The following KCTD21 variants were observed in gnomAD, a reference collection of about 807,000 sequenced individuals.
KCTD21 encodes the protein potassium channel tetramerization domain containing 21.
In KCTD21, 9 loss-of-function variants were observed where a neutral mutation model predicts 13.2. That is an observed-to-expected ratio of 0.68 (90% CI 0.41 to 1.19). The LOEUF is 1.19. Ranked by LOEUF, KCTD21 falls within the 50% of genes most tolerant of loss-of-function variation. The pLI, the probability that KCTD21 is intolerant of heterozygous loss-of-function variation, is 0.01. For synonymous variants in KCTD21, 142 were observed against 137.4 expected (o/e 1.03, Z -0.23); for missense variants, 303 against 336.5 (o/e 0.90, Z 0.78).
chr11:78,187,877 G>C, intron 1 of KCTD21: 1 of 985,372 alleles, frequency 1.0e-6, no homozygotes, highest in Non-Finnish European at 1.2e-6. Context: ...TTGAAGTAAG[G>C]AGTCCTGAGT....
intron 1 of KCTD21, among the ~76,000 whole-genome samples, chr11:78,179,919 G>C (rs1272716808): frequency 6.6e-6 from 1 of 152,086 alleles, no homozygotes; most frequent in Non-Finnish European, 1.5e-5. Flanking sequence ...AACCCCCTCT[G>C]GCAGCACCCA....
rs1862285723 is a variant in KCTD21, at chr11:78,171,731, A to G, written c.*2041T>C. 6.6e-6 allele frequency: 1 copy of G among 152,058 alleles called. No homozygotes were observed. Among genetic ancestry groups the G allele is most frequent in the Non-Finnish European group, 1.5e-5 (1 of 68,024 alleles). 9.4% of individuals were successfully genotyped at this position (152,058 alleles called of 1,614,324 possible). A position where few individuals can be genotyped will look rare whatever the true frequency, so the allele number is the denominator to read the frequency against. ...AGCGATTCTACTGCCTCAGCCTCCC[A>G]AATAGCTGGGGTTATAGGCGCCTGT... On this transcript the variant is annotated 3_prime_UTR_variant, in exon 2 of 2. Transcript: ENST00000340067.
In KCTD21 at chr11:78,174,560, G is replaced by A. The variant is rs1233340326; in HGVS notation, c.-6C>T. The A allele has an allele frequency of 6.2e-7, 1 of 1,604,322 alleles. No homozygotes were observed. Among genetic ancestry groups the A allele is most frequent in the Non-Finnish European group, 8.5e-7 (1 of 1,174,750 alleles). ...AGCGTGATGGGGTCGGACATGGCAG[G>A]AGACTGGGTTGCTGGAAGTAGTCCT... On this transcript the variant is annotated 5_prime_UTR_variant, in exon 2 of 2. Coordinates refer to ENST00000340067, the MANE Select transcript of KCTD21 (RefSeq NM_001029859.3).
intron 1 of KCTD21, among the ~76,000 whole-genome samples, chr11:78,185,211 G>GT (rs1456608012): frequency 6.6e-6 from 1 of 152,172 alleles, no homozygotes; most frequent in Non-Finnish European, 1.5e-5. Context: ...GGCCAAAAAA[G>GT]TGTGTGTTTG....
At chr11:78,178,166 G>A (rs1590877153) in intron 1 of KCTD21, among the ~76,000 whole-genome samples, 1 of 146,296 alleles carries the variant, frequency 6.8e-6, no homozygotes, top group Non-Finnish European at 1.5e-5. Context: ...TCGCTCTGTC[G>A]CCAGGCTAGA....
Position 78,188,575 on chromosome 11 carries a change from C to G in KCTD21, c.-32G>C. 1.0e-6 allele frequency: 1 copy of G among 985,656 alleles called. No homozygotes were observed. The highest frequency in any genetic ancestry group is 1.2e-6 in the Non-Finnish European group (1 of 830,162). The allele number at this position is 985,656 out of a possible 1,614,324, so 61.1% of individuals were successfully genotyped here. On this transcript the variant is annotated splice_region_variant and 5_prime_UTR_variant, in exon 1 of 2. Transcript: ENST00000340067. ...GACCCCGGCCGTGCCGCACCCACCT[C>G]CTGCCCTCGCTCTGCAGCCTCTCCC...
chr11:78,177,667 C>G (rs1192362280), intron 1 of KCTD21: 1 of 152,286 alleles, frequency 6.6e-6, no homozygotes, highest in South Asian at 2.1e-4. Context: ...GTTTCAGTCT[C>G]TCTTTCTTCT....
chr11:78,173,341 A>AT lies in KCTD21; in HGVS notation c.*430_*431insA. ...GCAGGTGTGACAGGAACCGCTGGGG[A>AT]CTTTATGTCCTGGTTAACTGGAGGT... is the stretch of plus-strand genomic sequence containing the variant. On this transcript the variant is annotated 3_prime_UTR_variant, in exon 2 of 2. Transcript: ENST00000340067. 14 of 162,762 alleles carry AT rather than the reference A, an allele frequency of 8.6e-5. No homozygotes were observed. The highest frequency in any genetic ancestry group is 4.9e-4 in the South Asian group (3 of 6,100). The allele number at this position is 162,762 out of a possible 1,614,324, so 10.1% of individuals were successfully genotyped here. A position where few individuals can be genotyped will look rare whatever the true frequency, so the allele number is the denominator to read the frequency against.
Position 78,178,274 on chromosome 11 carries a change from C to T in KCTD21, c.-29-3691G>A, listed in dbSNP as rs144498016. 2.2e-3 allele frequency among the ~76,000 whole-genome samples: 341 copies of T among 152,172 alleles called. 1 individual carries two copies. The highest frequency in any genetic ancestry group is 7.8e-3 in the African/African-American group (325 of 41,514). Reference sequence around the variant, plus strand: ...CCGGGTAGCTGCAATTACAGGTGCACGCCACCAGGCCCGGCTAATTTATTT... The same window carrying T: ...CCGGGTAGCTGCAATTACAGGTGCATGCCACCAGGCCCGGCTAATTTATTT... On this transcript the variant is annotated intron_variant, in intron 1 of 1. Transcript: ENST00000340067.
At chr11:78,187,480 G>T in intron 1 of KCTD21, 5 of 985,390 alleles carry the variant, frequency 5.1e-6, no homozygotes, top group Non-Finnish European at 6.0e-6. Flanking sequence ...CACGGAATCT[G>T]GCACGGCAAG....
intron 1 of KCTD21, chr11:78,178,126 C>CTTTTTT: frequency 1.7e-5 from 2 of 120,308 alleles, no homozygotes; most frequent in Non-Finnish European, 3.8e-5. Flanking sequence ...CTAAGCCCTT[C>CTTTTTT]TTTTCTTTTT....
chr11:78,188,067 G>A, intron 1 of KCTD21: 2 of 985,384 alleles, frequency 2.0e-6, no homozygotes, highest in Non-Finnish European at 2.4e-6. Context: ...TGCATCACAG[G>A]CTTTTGCCCA....
Position 78,171,432 on chromosome 11 carries a change from T to C in KCTD21, c.*2340A>G, listed in dbSNP as rs1032994949. The C allele has an allele frequency of 2.7e-4, 41 of 152,650 alleles. No homozygotes were observed. The highest frequency in any genetic ancestry group is 9.7e-4 in the African/African-American group (40 of 41,446). The allele number at this position is 152,650 out of a possible 1,614,324, so 9.5% of individuals were successfully genotyped here. ...ACAGCATGTTAGTGGCTTCACTGCT[T>C]CTGCAACTTCTCTAAAGTCAAGCTG... On this transcript the variant is annotated 3_prime_UTR_variant, in exon 2 of 2. Coordinates refer to ENST00000340067, the MANE Select transcript of KCTD21 (RefSeq NM_001029859.3).
intron 1 of KCTD21, 138 bp from the exon 2 acceptor site, chr11:78,174,721 C>T (rs984504271): frequency 1.1e-4 from 72 of 630,524 alleles, no homozygotes; most frequent in Middle Eastern, 8.6e-4. Context: ...GTGATAATTG[C>T]TAACACTGTG....
chr11:78,176,546 C>T (rs1269565416), intron 1 of KCTD21, among the ~76,000 whole-genome samples: 1 of 152,190 alleles, frequency 6.6e-6, no homozygotes, highest in East Asian at 1.9e-4. Flanking sequence ...AGCAATCCTT[C>T]CCTGACATGG....
Position 78,173,487 on chromosome 11 carries a change from C to A in KCTD21, c.*285G>T. 1 of 323,610 alleles carries A rather than the reference C, an allele frequency of 3.1e-6. No homozygotes were observed. Among genetic ancestry groups the A allele is most frequent in the Non-Finnish European group, 5.7e-6 (1 of 175,428 alleles). 20.0% of individuals were successfully genotyped at this position (323,610 alleles called of 1,614,324 possible). A position where few individuals can be genotyped will look rare whatever the true frequency, so the allele number is the denominator to read the frequency against. On this transcript the variant is annotated 3_prime_UTR_variant, in exon 2 of 2. Coordinates refer to ENST00000340067, the MANE Select transcript of KCTD21 (RefSeq NM_001029859.3). The stretch of plus-strand genomic sequence containing the variant: ...GAAAACTGCTGCTCTTTTGTCCTGG[C>A]TGGAAAATCCTCCTATGGCCTCCTT...
At chr11:78,176,336 G>T (rs1862449634) in intron 1 of KCTD21, 1 of 152,212 alleles carries the variant, frequency 6.6e-6, no homozygotes, top group Non-Finnish European at 1.5e-5. Context: ...CTGGCTGCAA[G>T]GTCAGTGCAA....
intron 1 of KCTD21, chr11:78,187,324 GTCCATA>G (rs1862811222): frequency 5.5e-5 from 54 of 985,332 alleles, no homozygotes; most frequent in Non-Finnish European, 6.5e-5. Flanking sequence ...GTCTTGCCCA[GTCCATA>G]TCTCTAAGAA....
In KCTD21 at chr11:78,173,292, T is replaced by C. The variant is rs530588; in HGVS notation, c.*480A>G. On this transcript the variant is annotated 3_prime_UTR_variant, in exon 2 of 2. Coordinates refer to ENST00000340067, the MANE Select transcript of KCTD21 (RefSeq NM_001029859.3). ...ACCCCTGGGCAAACATCCACGATCA[T>C]GGATGCACCCTGGGGAGGGAGGAGC... 17,497 of 159,938 alleles carry C rather than the reference T, an allele frequency of 0.11. 1,150 individuals carry two copies. The highest frequency in any genetic ancestry group is 0.15 in the Non-Finnish European group (11,070 of 72,142). The allele number at this position is 159,938 out of a possible 1,614,324, so 9.9% of individuals were successfully genotyped here.
Sources: allele counts gnomAD v4.1 joint callset (sites outside exome capture counted in the v4.1 genomes callset), GRCh38; gene constraint gnomAD v4.1.1; transcripts MANE v1.5; gene names NCBI Gene and HGNC (gene_info 2026-07-23, HGNC 2026-07-21).